Variants in CREBL2 observed in about 807,000 individuals in gnomAD.
The protein encoded by CREBL2 is cAMP-responsive element-binding protein-like 2.
Under a neutral mutation model 19.5 loss-of-function variants are expected in CREBL2, and 4 were observed. The observed-to-expected ratio is 0.20, with a 90% CI of 0.10 to 0.47. The LOEUF (loss-of-function observed/expected upper bound fraction) is 0.47. Ranked by LOEUF, CREBL2 falls within the 20% of genes least tolerant of loss-of-function variation. CREBL2 has a pLI of 0.98. For missense variants in CREBL2, 85 were observed against 145.1 expected, an observed-to-expected ratio of 0.59 and a Z score of 2.13; for synonymous variants, 42 against 46.6, an observed-to-expected ratio of 0.90 and a Z score of 0.40.
chr12:12,621,770 A>G (rs1482160773), intron 1 of CREBL2, among the ~76,000 whole-genome samples: 1 of 152,184 alleles, frequency 6.6e-6, no homozygotes, highest in Non-Finnish European at 1.5e-5. Context: ...TGGGAATTTA[A>G]ATTTTAATAG....
At chr12:12,624,456 T>C (rs116355932) in intron 1 of CREBL2, among the ~76,000 whole-genome samples, 1,531 of 152,292 alleles carry the variant, frequency 0.01, 25 homozygotes, top group African/African-American at 0.035. Flanking sequence ...CCTGACCCTT[T>C]CACGGGACTC....
intron 1 of CREBL2, among the ~76,000 whole-genome samples, chr12:12,631,324 T>C (rs1051954140): frequency 2.6e-5 from 4 of 152,152 alleles, no homozygotes; most frequent in Non-Finnish European, 5.9e-5. Flanking sequence ...ATCTCACAAA[T>C]GTGCTCTAGG....
At position 12,643,320 on chromosome 12, in the gene CREBL2, C is replaced by G. The variant is rs1020478543; in HGVS notation, c.*1322C>G. 2 of 152,640 alleles carry G rather than the reference C, an allele frequency of 1.3e-5. No homozygotes were observed. The highest frequency in any genetic ancestry group is 2.9e-5 in the Non-Finnish European group (2 of 68,040). The allele number at this position is 152,640 out of a possible 1,614,324, so 9.5% of individuals were successfully genotyped here. ...AAGCTCATAATATGATACACCCAGACAGACCCAGAAATCTTTTGATTTCCC... is the reference window on the plus strand; with the variant it reads ...AAGCTCATAATATGATACACCCAGAGAGACCCAGAAATCTTTTGATTTCCC... On this transcript the variant is annotated 3_prime_UTR_variant, in exon 4 of 4. Transcript: ENST00000228865.
chr12:12,642,400 C>G lies in CREBL2; in HGVS notation c.*402C>G, dbSNP rs1258729120. 1 of 157,440 alleles carries G rather than the reference C, an allele frequency of 6.4e-6. No homozygotes were observed. Among genetic ancestry groups the G allele is most frequent in the African/African-American group, 2.4e-5 (1 of 41,674 alleles). The allele number at this position is 157,440 out of a possible 1,614,324, so 9.8% of individuals were successfully genotyped here. The stretch of plus-strand genomic sequence containing the variant: ...GTGTGTTTTATGTGTCACCACCTTT[C>G]ATGTTTTTGATTGCCCTACAAAGAG... On this transcript the variant is annotated 3_prime_UTR_variant, in exon 4 of 4. Transcript: ENST00000228865.
intron 1 of CREBL2, among the ~76,000 whole-genome samples, chr12:12,621,277 G>A (rs546014558): frequency 1.3e-5 from 2 of 152,180 alleles, no homozygotes; most frequent in African/African-American, 2.4e-5. Context: ...CCAGAACTTT[G>A]GGAAGCCAAG....
intron 1 of CREBL2, among the ~76,000 whole-genome samples, chr12:12,613,512 C>T (rs1162478973): frequency 6.6e-6 from 1 of 152,140 alleles, no homozygotes; most frequent in Non-Finnish European, 1.5e-5. Flanking sequence ...TTTATTCTTT[C>T]CTTCTTGTTT....
chr12:12,641,254 T>TTATTA (rs1379727723), intron 3 of CREBL2, among the ~76,000 whole-genome samples: 1,579 of 68,372 alleles, frequency 0.023, 34 homozygotes, highest in Non-Finnish European at 0.031. Flanking sequence ...ATTATTATTA[T>TTATTA]TTTTTTTTAT....
At chr12:12,640,550 A>T (rs184187724) in intron 3 of CREBL2, among the ~76,000 whole-genome samples, 8 of 152,350 alleles carry the variant, frequency 5.3e-5, no homozygotes, top group African/African-American at 7.2e-5. Context: ...TAACACAATT[A>T]TCACAGTGGT....
chr12:12,632,187 C>A (rs1461268535), intron 1 of CREBL2, among the ~76,000 whole-genome samples: 2 of 144,192 alleles, frequency 1.4e-5, no homozygotes, highest in Non-Finnish European at 3.0e-5. Context: ...ACGCCATTCT[C>A]CTGCCTCAGC....
intron 1 of CREBL2, among the ~76,000 whole-genome samples, chr12:12,612,607 T>G (rs1945277014): frequency 2.6e-5 from 4 of 152,096 alleles, no homozygotes; most frequent in Admixed American, 2.6e-4. Flanking sequence ...CAATGCCCCA[T>G]TCATATAATC....
In CREBL2 at chr12:12,611,928, G is replaced by T. The variant is rs780525432; in HGVS notation, c.-245G>T. 47 of 580,230 alleles carry T rather than the reference G, an allele frequency of 8.1e-5. No homozygotes were observed. The highest frequency in any genetic ancestry group is 1.2e-4 in the Non-Finnish European group (39 of 328,466). 35.9% of individuals were successfully genotyped at this position (580,230 alleles called of 1,614,324 possible). Reference sequence around the variant, plus strand: ...TAAACACCCAGAGACTGTCATGGAGGGGGAGGAGGAGGCGGCGGCGGCGAA... The same window carrying T: ...TAAACACCCAGAGACTGTCATGGAGTGGGAGGAGGAGGCGGCGGCGGCGAA... On this transcript the variant is annotated 5_prime_UTR_variant, in exon 1 of 4. Transcript: ENST00000228865.
intron 1 of CREBL2, among the ~76,000 whole-genome samples, chr12:12,626,459 T>A (rs1945402574): frequency 6.6e-6 from 1 of 152,188 alleles, no homozygotes; most frequent in Admixed American, 6.5e-5. Flanking sequence ...TACTCATTCT[T>A]CTCATAAGCT....
At chr12:12,621,539 A>C (rs1395175801) in intron 1 of CREBL2, among the ~76,000 whole-genome samples, 2 of 151,980 alleles carry the variant, frequency 1.3e-5, no homozygotes, top group East Asian at 1.9e-4. Context: ...AAAAAAAAAA[A>C]AAAAACTGGC....
intron 1 of CREBL2, among the ~76,000 whole-genome samples, chr12:12,618,830 ACCAGCCCGG>A (rs747813792): frequency 7.4e-4 from 113 of 152,310 alleles, no homozygotes; most frequent in African/African-American, 2.6e-3. Context: ...GGAGCTGGAG[ACCAGCCCGG>A]CCAGCCCGGC....
intron 1 of CREBL2, among the ~76,000 whole-genome samples, chr12:12,613,596 TTG>T (rs1311092919): frequency 1.4e-4 from 21 of 152,216 alleles, no homozygotes; most frequent in African/African-American, 4.8e-4. Flanking sequence ...TACTCTGGAA[TTG>T]TTACTCACCT....
intron 1 of CREBL2, among the ~76,000 whole-genome samples, chr12:12,630,853 A>G (rs1945438149): frequency 6.6e-6 from 1 of 152,208 alleles, no homozygotes; most frequent in Non-Finnish European, 1.5e-5. Context: ...CACAATTGCC[A>G]TCTATTTTCC....
chr12:12,623,378 G>A (rs1350516717), intron 1 of CREBL2, among the ~76,000 whole-genome samples: 2 of 152,066 alleles, frequency 1.3e-5, no homozygotes, highest in African/African-American at 4.8e-5. Context: ...TAAATTCAGT[G>A]GGATATTAAC....
chr12:12,613,604 C>T (rs1342776367), intron 1 of CREBL2, among the ~76,000 whole-genome samples: 3 of 152,210 alleles, frequency 2.0e-5, no homozygotes, highest in Non-Finnish European at 4.4e-5. Context: ...AATTGTTACT[C>T]ACCTAGAGGA....
At chr12:12,620,751 T>C (rs1945352926) in intron 1 of CREBL2, among the ~76,000 whole-genome samples, 1 of 152,252 alleles carries the variant, frequency 6.6e-6, no homozygotes, top group Non-Finnish European at 1.5e-5. Flanking sequence ...CAACATTTGT[T>C]GGACACCTGA....
Sources: allele counts gnomAD v4.1 joint callset (sites outside exome capture counted in the v4.1 genomes callset), GRCh38; gene constraint gnomAD v4.1.1; transcripts MANE v1.5; gene names NCBI Gene and HGNC (gene_info 2026-07-23, HGNC 2026-07-21).